Variants in ALAS1 observed in about 807,000 individuals in gnomAD.
The protein encoded by ALAS1 is 5'-aminolevulinate synthase 1, also known as 5-aminolevulinate synthase, non-specific, mitochondrial.
ALAS1 carries 29 observed loss-of-function variants against 59.6 expected under a neutral mutation model. The observed-to-expected ratio is 0.49, with a 90% CI of 0.36 to 0.66. The LOEUF (loss-of-function observed/expected upper bound fraction) is 0.66. Among genes scored for constraint, ALAS1 ranks in the 30% least tolerant of loss-of-function variants. ALAS1 has a pLI of 0.00. For missense variants in ALAS1, 690 were observed against 807.5 expected, an observed-to-expected ratio of 0.85 and a Z score of 1.76; for synonymous variants, 299 against 296.6, an observed-to-expected ratio of 1.01 and a Z score of -0.08.
In ALAS1 at chr3:52,206,689, T is replaced by C; in HGVS notation, c.1103T>C (p.Leu368Pro). The change falls in exon 8 of 12, where the codon CTG becomes CCG. Residue 368 changes from leucine (L) to proline (P), a missense_variant. Physicochemically the swap from Leu to Pro is moderately conservative, Grantham distance 98. Transcript: ENST00000484952. The stretch of plus-strand genomic sequence containing the variant: ...GATGTCAGCCACCTCAGAGAACTGC[T>C]GCAAAGATCTGACCCCTCAGTCCCC... Reference protein sequence around the residue: ...HNDVSHLRELLQRSDPSVPKI... With the variant: ...HNDVSHLRELPQRSDPSVPKI... The C allele has an allele frequency of 6.2e-7, 1 of 1,614,194 alleles. No homozygotes were observed.
chr3:52,208,287 T>C, intron 9 of ALAS1, 40 bp downstream of exon 9: 1 of 1,608,444 alleles, frequency 6.2e-7, no homozygotes, highest in African/African-American at 1.3e-5. Flanking sequence ...AATTCCATTA[T>C]CCTAACAAGG....
Position 52,212,307 on chromosome 3 carries a change from G to T in ALAS1, c.1649G>T (p.Arg550Ile), listed in dbSNP as rs774390860. The T allele has an allele frequency of 2.5e-6, 4 of 1,614,152 alleles. No homozygotes were observed. In the Admixed American group the frequency reaches 6.7e-5, roughly 27 times the overall value. Residue 550 changes from arginine (R) to isoleucine (I), a missense_variant, in exon 11 of 12, where the codon AGA (arginine) becomes ATA (isoleucine). Coordinates refer to ENST00000484952, the MANE Select transcript of ALAS1 (RefSeq NM_000688.6). ...NTEVCDELMS[R>I]HNIYVQAINY... ...GAAGTCTGTGATGAACTAATGAGCA[G>T]ACATAACATCTACGTGCAAGCAATC...
chr3:52,207,001 A>ATTTT (rs770904720), intron 8 of ALAS1, among the ~76,000 whole-genome samples: 1 of 125,150 alleles, frequency 8.0e-6, no homozygotes. Flanking sequence ...CGCCTGGCTA[A>ATTTT]TTTTTTTTTT....
intron 9 of ALAS1, among the ~76,000 whole-genome samples, chr3:52,209,338 G>A (rs1375899773): frequency 6.6e-6 from 1 of 152,136 alleles, no homozygotes; most frequent in Non-Finnish European, 1.5e-5. Flanking sequence ...CTCCCAAGTA[G>A]CTGGGACTAC....
At chr3:52,207,483 T>C (rs1267273200) in intron 8 of ALAS1, among the ~76,000 whole-genome samples, 1 of 152,134 alleles carries the variant, frequency 6.6e-6, no homozygotes, top group Non-Finnish European at 1.5e-5. Flanking sequence ...ATTTTTTTTT[T>C]TCTTCTTCCA....
intron 7 of ALAS1, 151 bp from the exon 8 acceptor site, chr3:52,206,421 G>C: frequency 3.4e-6 from 3 of 886,244 alleles, no homozygotes; most frequent in Admixed American, 4.5e-5. Context: ...GCACTAACTA[G>C]TTATTTTGCC....
At position 52,213,333 on chromosome 3, in the gene ALAS1, T is replaced by C. The variant is rs958471457; in HGVS notation, c.1763-687T>C. On this transcript the variant is annotated intron_variant, in intron 11 of 11. Coordinates refer to ENST00000484952, the MANE Select transcript of ALAS1 (RefSeq NM_000688.6). ...CTTCCTCACAGGCTCTCTGTTCTGT[T>C]GGAAATGCTGGGTTTAAACTGTCAC... Among the ~76,000 whole-genome samples the C allele has an allele frequency of 2.0e-5, 3 of 152,216 alleles. No homozygotes were observed. In the East Asian group the frequency reaches 5.8e-4, roughly 29 times the overall value.
At chr3:52,202,398 C>T in intron 3 of ALAS1, 109 bp from the exon 4 acceptor site, 2 of 862,214 alleles carry the variant, frequency 2.3e-6, no homozygotes, top group Non-Finnish European at 3.8e-6. Flanking sequence ...TGGTGGGGTA[C>T]AGTAAGTATT....
intron 7 of ALAS1, 103 bp from the exon 8 acceptor site, chr3:52,206,469 G>C: frequency 7.7e-7 from 1 of 1,303,616 alleles, no homozygotes; most frequent in Non-Finnish European, 1.1e-6. Flanking sequence ...TTCCTACTAG[G>C]CATTTTCAAA....
Position 52,198,778 on chromosome 3 carries a change from C to A in ALAS1, c.-103C>A. 1 of 1,535,058 alleles carries A rather than the reference C, an allele frequency of 6.5e-7. No individual in the cohort carries two copies. Among genetic ancestry groups the A allele is most frequent in the South Asian group, 1.2e-5 (1 of 84,036 alleles). ...TCCTCGGGTTTAGGGGATGTGGGGACCAGGAGAAAGTCAGGATCCCTAAGA... is the reference window on the plus strand; with the variant it reads ...TCCTCGGGTTTAGGGGATGTGGGGAACAGGAGAAAGTCAGGATCCCTAAGA... On this transcript the variant is annotated 5_prime_UTR_variant, in exon 2 of 12. Coordinates refer to ENST00000484952, the MANE Select transcript of ALAS1 (RefSeq NM_000688.6).
chr3:52,198,691 C>T lies in ALAS1; in HGVS notation c.-190C>T, dbSNP rs937908215. The T allele has an allele frequency of 6.0e-6, 6 of 1,003,418 alleles. No individual in the cohort carries two copies. In the Admixed American group the frequency reaches 1.2e-4, roughly 21 times the overall value. The allele number at this position is 1,003,418 out of a possible 1,614,324, so 62.2% of individuals were successfully genotyped here. ...TCTCAGTTATGCCCAGTTCTTCCCG[C>T]TGTGGGGACACGACCACGGAGGAAT... is the stretch of plus-strand genomic sequence containing the variant. On this transcript the variant is annotated 5_prime_UTR_variant, in exon 2 of 12. Coordinates refer to ENST00000484952, the MANE Select transcript of ALAS1 (RefSeq NM_000688.6).
At position 52,211,387 on chromosome 3, in the gene ALAS1, C is replaced by T. The variant is rs765278013; in HGVS notation, c.1435C>T (p.Pro479Ser). The T allele has an allele frequency of 2.5e-5, 41 of 1,614,116 alleles. No individual in the cohort carries two copies. Among genetic ancestry groups the T allele is most frequent in the South Asian group, 8.8e-5 (8 of 91,092 alleles). ...AGFIFTTSLP[P>S]MLLAGALESV... ...CTTCATCTTCACCACCTCTCTGCCACCCATGCTGCTGGCTGGAGCCCTGGA... is the reference window on the plus strand; with the variant it reads ...CTTCATCTTCACCACCTCTCTGCCATCCATGCTGCTGGCTGGAGCCCTGGA... The change falls in exon 10 of 12, where the codon CCC becomes TCC. Residue 479 changes from proline (P) to serine (S), a missense_variant. By Grantham distance (74) the Pro-to-Ser change is moderately conservative (BLOSUM62 -1). Coordinates refer to ENST00000484952, the MANE Select transcript of ALAS1 (RefSeq NM_000688.6).
At chr3:52,201,339 TCTTA>T (rs1164482475) in intron 3 of ALAS1, among the ~76,000 whole-genome samples, 3 of 152,260 alleles carry the variant, frequency 2.0e-5, no homozygotes, top group African/African-American at 7.2e-5. Flanking sequence ...CCCTATTTTT[TCTTA>T]CTTTATTAGC....
chr3:52,200,446 A>G (rs1454781662), intron 3 of ALAS1, among the ~76,000 whole-genome samples: 1 of 152,198 alleles, frequency 6.6e-6, no homozygotes, highest in Non-Finnish European at 1.5e-5. Context: ...TTTAAAAACA[A>G]ATTTATCTTG....
rs142895395 is a variant in ALAS1 at position 52,211,812 on chromosome 3, A to G, written c.1599+261A>G. Among the ~76,000 whole-genome samples, 481 of 152,336 alleles carry G rather than the reference A, an allele frequency of 3.2e-3. 3 individuals are homozygous for G. The highest frequency in any genetic ancestry group is 0.011 in the African/African-American group (461 of 41,570). On this transcript the variant is annotated intron_variant, in intron 10 of 11. Transcript: ENST00000484952. ...CAGGGTAAACACAGAGCTTGTATCT[A>G]GAAAGCTCCAGAAGCCTGAGCTTGG...
intron 1 of ALAS1, 109 bp from the exon 2 acceptor site, chr3:52,198,563 T>G (rs1243221355): frequency 1.8e-6 from 1 of 556,818 alleles, no homozygotes; most frequent in Non-Finnish European, 3.2e-6. Context: ...GACTGCCTTC[T>G]TTCTCCAGAC....
intron 7 of ALAS1, 87 bp from the exon 8 acceptor site, chr3:52,206,485 A>G: frequency 6.9e-7 from 1 of 1,451,218 alleles, no homozygotes; most frequent in Non-Finnish European, 9.4e-7. Flanking sequence ...TCAAAGCATC[A>G]TTTCCAAGGA....
intron 9 of ALAS1, among the ~76,000 whole-genome samples, chr3:52,208,785 T>C (rs1057249810): frequency 2.0e-5 from 3 of 152,226 alleles, no homozygotes; most frequent in Non-Finnish European, 4.4e-5. Context: ...TTAACCTTTC[T>C]ATACCTCAGT....
chr3:52,206,898 G>C, intron 8 of ALAS1, 147 bp downstream of exon 8: 2 of 831,576 alleles, frequency 2.4e-6, no homozygotes, highest in Non-Finnish European at 1.8e-6. Context: ...GCAGTGGTGC[G>C]ATCTCGACTC....
Sources: gnomAD v4.1 joint callset for allele counts (sites outside exome capture counted in the v4.1 genomes callset) on GRCh38, gnomAD v4.1.1 for gene constraint, MANE v1.5 for transcripts, NCBI Gene and HGNC (gene_info 2026-07-23, HGNC 2026-07-21) for gene names.